IL34: variants seen among roughly 807,000 people sequenced by gnomAD.
The protein encoded by IL34 is interleukin 34, also known as interleukin-34.
Under a neutral mutation model 25.3 loss-of-function variants are expected in IL34, and 17 were observed. The observed-to-expected ratio is 0.67, with a 90% CI of 0.46 to 1.01. The LOEUF (loss-of-function observed/expected upper bound fraction) is 1.01. Among genes scored for constraint, IL34 ranks in the 50% least tolerant of loss-of-function variants. The pLI is 0.00. For synonymous variants in IL34, 174 were observed against 140.9 expected (o/e 1.23, Z -1.66); for missense variants, 368 against 312.9 (o/e 1.18, Z -1.33).
intron 1 of IL34, among the ~76,000 whole-genome samples, chr16:70,652,911 G>C (rs1241156936): frequency 6.6e-6 from 1 of 152,146 alleles, no homozygotes; most frequent in Non-Finnish European, 1.5e-5. Context: ...AACGAAATGA[G>C]CTGGGTGTAT....
At chr16:70,624,848 A>G (rs1022681560) in intron 1 of IL34, among the ~76,000 whole-genome samples, 96 of 151,936 alleles carry the variant, frequency 6.3e-4, no homozygotes, top group Middle Eastern at 3.4e-3. Context: ...GAGAGGTCAG[A>G]TGGGTCTGTA....
intron 1 of IL34, among the ~76,000 whole-genome samples, chr16:70,648,713 C>T (rs2052005062): frequency 6.6e-6 from 1 of 151,880 alleles, no homozygotes; most frequent in Non-Finnish European, 1.5e-5. Flanking sequence ...GGCTGGTGCC[C>T]AGGGGCTGGG....
At position 70,581,061 on chromosome 16, in the gene IL34, G is replaced by A. The variant is rs1207379271; in HGVS notation, c.-401+1012G>A. 5.3e-5 allele frequency among the ~76,000 whole-genome samples: 8 copies of A among 151,644 alleles called. No individual in the cohort carries two copies. The South Asian group carries it at 6.3e-4, about 12-fold the overall frequency. On this transcript the variant is annotated intron_variant, in intron 1 of 6. Coordinates refer to the IL34 transcript ENST00000429149. ...TGAGTAGCTGGGATTACAGGCACCC[G>A]CTACCACACCTGGCTAATTTTTGTA...
intron 1 of IL34, among the ~76,000 whole-genome samples, chr16:70,583,132 A>G (rs2050653418): frequency 6.6e-6 from 1 of 152,064 alleles, no homozygotes; most frequent in Admixed American, 6.6e-5. Flanking sequence ...GTCTTTTTTG[A>G]GACGGAGTCT....
chr16:70,635,729 T>A (rs1168002241), intron 1 of IL34, among the ~76,000 whole-genome samples: 1 of 152,218 alleles, frequency 6.6e-6, no homozygotes, highest in Non-Finnish European at 1.5e-5. Context: ...GGGGAAATGA[T>A]TCAAATATAA....
At chr16:70,656,504 G>GT in intron 2 of IL34, 98 bp from the exon 3 acceptor site, 1 of 801,222 alleles carries the variant, frequency 1.2e-6, no homozygotes, top group Non-Finnish European at 2.2e-6. Flanking sequence ...GGGTGACAGA[G>GT]TGAGACTAAC....
intron 1 of IL34, among the ~76,000 whole-genome samples, chr16:70,613,220 A>G (rs1221990365): frequency 6.6e-6 from 1 of 152,344 alleles, no homozygotes; most frequent in South Asian, 2.1e-4. Context: ...GGTGGTTTGA[A>G]CTAATCTCCC....
intron 1 of IL34, among the ~76,000 whole-genome samples, chr16:70,604,783 T>C (rs1208228608): frequency 6.6e-6 from 1 of 152,130 alleles, no homozygotes; most frequent in Non-Finnish European, 1.5e-5. Context: ...ATACTTCCAG[T>C]AGGCTAAAGG....
At chr16:70,627,831 C>A (rs942165799) in intron 1 of IL34, among the ~76,000 whole-genome samples, 1 of 152,040 alleles carries the variant, frequency 6.6e-6, no homozygotes, top group Admixed American at 6.6e-5. Flanking sequence ...CACGTGTATT[C>A]TTTTGTATCT....
chr16:70,615,289 AAG>A (rs2051156650), intron 1 of IL34, among the ~76,000 whole-genome samples: 1 of 151,926 alleles, frequency 6.6e-6, no homozygotes, highest in Non-Finnish European at 1.5e-5. Flanking sequence ...TGGGTGGATC[AAG>A]AGGTCAAGAG....
At chr16:70,621,661 A>G (rs1025794950) in intron 1 of IL34, among the ~76,000 whole-genome samples, 5 of 152,104 alleles carry the variant, frequency 3.3e-5, no homozygotes, top group African/African-American at 9.7e-5. Context: ...TGTGAGCAAC[A>G]TGGCTGTTTA....
intron 1 of IL34, among the ~76,000 whole-genome samples, chr16:70,612,113 A>T (rs1032067220): frequency 2.6e-5 from 4 of 152,212 alleles, no homozygotes; most frequent in Admixed American, 1.3e-4. Context: ...CTCTGCTTCC[A>T]GGAGAGCCAG....
chr16:70,638,696 C>G (rs1363418048), intron 1 of IL34, among the ~76,000 whole-genome samples: 1 of 152,092 alleles, frequency 6.6e-6, no homozygotes, highest in African/African-American at 2.4e-5. Context: ...CTCCCGGGGT[C>G]AAGCCTCTTG....
rs185361289 is a variant in IL34 at position 70,623,965 on chromosome 16, C to T, written c.-400-22583C>T. Among the ~76,000 whole-genome samples the T allele has an allele frequency of 2.9e-4, 39 of 133,174 alleles. 1 individual carries two copies. The highest frequency in any genetic ancestry group is 4.9e-4 in the African/African-American group (18 of 36,382). The allele number at this position is 133,174 out of a possible 152,430, so 87.4% of individuals were successfully genotyped here. A position where few individuals can be genotyped will look rare whatever the true frequency, so the allele number is the denominator to read the frequency against. On this transcript the variant is annotated intron_variant, in intron 1 of 6. Coordinates refer to the IL34 transcript ENST00000429149. The stretch of plus-strand genomic sequence containing the variant: ...GTAGCCTCCGTATTGATTAAGGCGA[C>T]GGACTTACCTTCCACTGTGAGAGTT...
chr16:70,635,111 AG>A (rs1310983847), intron 1 of IL34, among the ~76,000 whole-genome samples: 2 of 152,182 alleles, frequency 1.3e-5, no homozygotes, highest in African/African-American at 4.8e-5. Context: ...GTTAAATTCT[AG>A]GAGTGGGATT....
At chr16:70,607,085 C>T (rs1293175239) in intron 1 of IL34, among the ~76,000 whole-genome samples, 1 of 151,772 alleles carries the variant, frequency 6.6e-6, no homozygotes. Context: ...TTTATGGATT[C>T]CTTAGGATTT....
intron 1 of IL34, among the ~76,000 whole-genome samples, chr16:70,640,883 A>T (rs969875890): frequency 1.3e-5 from 2 of 152,110 alleles, no homozygotes; most frequent in Non-Finnish European, 2.9e-5. Context: ...TGTCACCGAT[A>T]TAATTTCTGT....
intron 4 of IL34, among the ~76,000 whole-genome samples, chr16:70,659,078 TGACCTCCTGTTCAGG>T (rs2052309898): frequency 6.6e-6 from 1 of 152,162 alleles, no homozygotes; most frequent in Non-Finnish European, 1.5e-5. Flanking sequence ...ACAGTGGCCC[TGACCTCCTGTTCAGG>T]GACTTGATTC....
upstream of IL34, among the ~76,000 whole-genome samples, chr16:70,643,943 A>T (rs1201239166): frequency 6.6e-6 from 1 of 151,946 alleles, no homozygotes; most frequent in African/African-American, 2.4e-5. Context: ...AAATTGGGGG[A>T]TGAGTGAAGC....
Sources: gnomAD v4.1 joint callset for allele counts (sites outside exome capture counted in the v4.1 genomes callset) on GRCh38, gnomAD v4.1.1 for gene constraint, MANE v1.5 for transcripts, NCBI Gene and HGNC (gene_info 2026-07-23, HGNC 2026-07-21) for gene names.